Variants in ADGRE1 observed in about 807,000 individuals in gnomAD.
The protein encoded by ADGRE1 is EGF-like module receptor 1.
Under a neutral mutation model 102.7 loss-of-function variants are expected in ADGRE1, and 82 were observed. The observed-to-expected ratio is 0.80, with a 90% CI of 0.67 to 0.96. The LOEUF (loss-of-function observed/expected upper bound fraction) is 0.96. ADGRE1 is among the 40% of genes least tolerant of loss of function. The pLI is 0.00. For missense variants in ADGRE1, 1,032 were observed against 1,085.3 expected (o/e 0.95, Z 0.69); for synonymous variants, 398 against 399.6 (o/e 1.00, Z 0.05).
rs777020040 is a variant in ADGRE1, at chr19:6,935,001, C to T, written c.2304C>T (p.Leu768=). ...TGACTTTGCAGATCAACTCCCTTCT[C>T]CTGACCTGGACCTTGTGGATCCTGA... ...VCTVIVINSL[L]LTWTLWILRQ... Residue 768 remains leucine, a synonymous_variant, in exon 18 of 21, where the codon CTC becomes CTT. Transcript: ENST00000312053. 1.3e-6 allele frequency: 2 copies of T among 1,589,556 alleles called. No homozygotes were observed. Among genetic ancestry groups the T allele is most frequent in the Non-Finnish European group, 1.7e-6 (2 of 1,167,026 alleles).
chr19:6,911,385 G>GTTTTTTTTTTTTT (rs772959056), intron 10 of ADGRE1, among the ~76,000 whole-genome samples: 1,079 of 79,826 alleles, frequency 0.014, 78 homozygotes, highest in Non-Finnish European at 0.018. Context: ...ATTCCTTTTA[G>GTTTTTTTTTTTTT]TTTTTTTTTT....
Position 6,926,456 on chromosome 19 carries a change from A to G in ADGRE1, c.2077A>G (p.Met693Val). The change falls in exon 16 of 21, where the codon ATG becomes GTG. Residue 693 changes from methionine to valine, a missense_variant. Coordinates refer to ENST00000312053, the MANE Select transcript of ADGRE1 (RefSeq NM_001974.5). ...GGTGGAGGCTGTGATACTGTTCTTG[A>G]TGGTCAGAAACCTGAAGGTGGTGAA... ...MLVEAVILFL[M>V]VRNLKVVNYF... 9 of 1,614,106 alleles carry G rather than the reference A, an allele frequency of 5.6e-6. No homozygotes were observed. The highest frequency in any genetic ancestry group is 7.6e-6 in the Non-Finnish European group (9 of 1,180,024).
At chr19:6,924,654 A>G (rs1599756742) in intron 14 of ADGRE1, 24 bp from the exon 15 acceptor site, 11 of 1,604,234 alleles carry the variant, frequency 6.9e-6, no homozygotes, top group Non-Finnish European at 7.7e-6. Flanking sequence ...TTCTCAGGCC[A>G]ACTCTGAAAT....
In ADGRE1 at chr19:6,928,201, C is replaced by G; in HGVS notation, c.2279C>G (p.Thr760Arg). The change falls in exon 17 of 21, where the codon ACA (threonine) becomes AGA (arginine). Residue 760 changes from threonine (T) to arginine (R), a missense_variant. By Grantham distance (71) the Thr-to-Arg change is moderately conservative (BLOSUM62 -1). Coordinates refer to ENST00000312053, the MANE Select transcript of ADGRE1 (RefSeq NM_001974.5). ...TGGAGTTTCTTGGGGCCAGTTTGCA[C>G]AGTTATAGTGGTAAGCAAATACTAC... The part of the protein sequence containing the change: ...FIWSFLGPVC[T>R]VIVINSLLLT... 6.2e-7 allele frequency: 1 copy of G among 1,614,140 alleles called. No individual in the cohort carries two copies. The highest frequency in any genetic ancestry group is 8.5e-7 in the Non-Finnish European group (1 of 1,180,022).
At chr19:6,918,955 C>T (rs1974514248) in intron 12 of ADGRE1, among the ~76,000 whole-genome samples, 1 of 152,190 alleles carries the variant, frequency 6.6e-6, no homozygotes, top group Admixed American at 6.5e-5. Flanking sequence ...GAACTCCTGA[C>T]CTCAAGTGAT....
At chr19:6,928,666 T>C (rs1007490696) in intron 17 of ADGRE1, 1 of 170,066 alleles carries the variant, frequency 5.9e-6, no homozygotes, top group African/African-American at 2.4e-5. Flanking sequence ...ATCGGCCAGG[T>C]TGCGGTGGCT....
chr19:6,922,217 C>T (rs1015819249), intron 14 of ADGRE1, among the ~76,000 whole-genome samples: 4 of 152,116 alleles, frequency 2.6e-5, no homozygotes, highest in Admixed American at 1.3e-4. Context: ...GGTAAAGTGG[C>T]CCGTCTAGTC....
intron 17 of ADGRE1, among the ~76,000 whole-genome samples, chr19:6,929,525 T>C (rs1975058314): frequency 6.6e-6 from 1 of 151,976 alleles, no homozygotes; most frequent in South Asian, 2.1e-4. Flanking sequence ...GCTGCCATTT[T>C]TTTTTTCTTT....
At chr19:6,931,949 C>T (rs912034434) in intron 17 of ADGRE1, among the ~76,000 whole-genome samples, 5 of 104,110 alleles carry the variant, frequency 4.8e-5, no homozygotes, top group African/African-American at 2.9e-4. Flanking sequence ...CTCTTAAGCT[C>T]GTTAAGAAAA....
chr19:6,903,697 C>T, intron 6 of ADGRE1, 113 bp from the exon 7 acceptor site: 2 of 1,394,152 alleles, frequency 1.4e-6, no homozygotes, highest in Non-Finnish European at 2.0e-6. Flanking sequence ...AAATGTAGTC[C>T]CTGGCTGGGA....
intron 1 of ADGRE1, 109 bp from the exon 2 acceptor site, chr19:6,890,372 A>G (rs369218437): frequency 9.3e-5 from 99 of 1,061,106 alleles, no homozygotes; most frequent in African/African-American, 1.7e-4. Context: ...CTTCAAACCT[A>G]TTTCTGTGGG....
chr19:6,920,709 C>T (rs192916528), intron 13 of ADGRE1, among the ~76,000 whole-genome samples: 4 of 151,162 alleles, frequency 2.6e-5, no homozygotes, highest in Non-Finnish European at 4.4e-5. Context: ...GGAGTTTCAC[C>T]GTGTTGCTCA....
chr19:6,913,871 G>A (rs763332038), intron 11 of ADGRE1, 41 bp downstream of exon 11: 1 of 1,458,596 alleles, frequency 6.9e-7, no homozygotes. Context: ...CCTAGGGGAT[G>A]ATTTTGAAAG....
chr19:6,919,605 G>C lies in ADGRE1; in HGVS notation c.1478G>C (p.Arg493Pro). The C allele has an allele frequency of 6.2e-7, 1 of 1,613,350 alleles. No individual in the cohort carries two copies. Among genetic ancestry groups the C allele is most frequent in the Non-Finnish European group, 8.5e-7 (1 of 1,179,894 alleles). ...GGCATGGAATCGGTTTTAAATGAGC[G>C]CTTCTTCAAAGACCACCAGGCTCCC... is the stretch of plus-strand genomic sequence containing the variant. ...FVGMESVLNE[R>P]FFKDHQAPLT... The change falls in exon 13 of 21, where the codon CGC becomes CCC. Residue 493 changes from arginine (R) to proline (P), a missense_variant. Transcript: ENST00000312053.
chr19:6,898,211 A>G (rs1649763098), intron 5 of ADGRE1: 3 of 1,065,188 alleles, frequency 2.8e-6, no homozygotes, highest in Non-Finnish European at 2.7e-6. Context: ...AGTGAAGCGC[A>G]TATGGGATGG....
chr19:6,910,747 A>G (rs753150022), intron 10 of ADGRE1, among the ~76,000 whole-genome samples: 7 of 151,718 alleles, frequency 4.6e-5, no homozygotes, highest in Non-Finnish European at 7.4e-5. Flanking sequence ...AATATTTTGT[A>G]TTTTTAATAG....
At chr19:6,923,080 A>G (rs1351207586) in intron 14 of ADGRE1, among the ~76,000 whole-genome samples, 4 of 152,012 alleles carry the variant, frequency 2.6e-5, no homozygotes. Context: ...CCGTCTCAAA[A>G]AGAAAGAAAG....
chr19:6,937,693 C>A (rs1014111972), intron 20 of ADGRE1, 45 bp downstream of exon 20: 1 of 1,585,380 alleles, frequency 6.3e-7, no homozygotes, highest in African/African-American at 1.3e-5. Flanking sequence ...GAGGGAGGTG[C>A]CGGCCTCTTG....
intron 13 of ADGRE1, 104 bp downstream of exon 13, chr19:6,919,851 T>C: frequency 8.8e-7 from 1 of 1,133,424 alleles, no homozygotes; most frequent in Non-Finnish European, 1.3e-6. Context: ...TTGAGGCCGG[T>C]AAGCTTCCAC....
Sources: gnomAD v4.1 joint callset for allele counts (sites outside exome capture counted in the v4.1 genomes callset) on GRCh38, gnomAD v4.1.1 for gene constraint, MANE v1.5 for transcripts, NCBI Gene and HGNC (gene_info 2026-07-23, HGNC 2026-07-21) for gene names.